The following PWWP3A variants were observed in gnomAD, a reference collection of about 807,000 sequenced individuals.
PWWP3A encodes PWWP domain containing 3A, DNA repair factor, also known as PWWP domain-containing DNA repair factor 3A.
Under a neutral mutation model 79.0 loss-of-function variants are expected in PWWP3A, and 53 were observed. The observed-to-expected ratio is 0.67, with a 90% CI of 0.54 to 0.84. PWWP3A has a LOEUF of 0.84. PWWP3A is among the 40% of genes least tolerant of loss of function. PWWP3A has a pLI of 0.00. For missense variants in PWWP3A, 973 were observed against 948.0 expected, an observed-to-expected ratio of 1.03 and a Z score of -0.35; for synonymous variants, 443 against 394.4, an observed-to-expected ratio of 1.12 and a Z score of -1.46.
At chr19:1,365,125 G>A (rs1379245186) in intron 7 of PWWP3A, among the ~76,000 whole-genome samples, 1 of 152,126 alleles carries the variant, frequency 6.6e-6, no homozygotes, top group Non-Finnish European at 1.5e-5. Context: ...GTCTCCGGGG[G>A]AAAGAAAAAG....
chr19:1,376,283 G>C (rs1301396428), intron 13 of PWWP3A, among the ~76,000 whole-genome samples: 1 of 135,246 alleles, frequency 7.4e-6, no homozygotes, highest in Non-Finnish European at 1.6e-5. Context: ...GCGCCACCAC[G>C]CCCGGCTGTT....
At chr19:1,372,809 T>G in intron 12 of PWWP3A, 1 of 393,334 alleles carries the variant, frequency 2.5e-6, no homozygotes. Context: ...AATGCTCTTG[T>G]GGGTTTGGGT....
intron 6 of PWWP3A, among the ~76,000 whole-genome samples, chr19:1,362,738 C>A (rs549691465): frequency 6.6e-6 from 1 of 152,228 alleles, no homozygotes; most frequent in East Asian, 1.9e-4. Context: ...TTGGTGATGG[C>A]GTTTGGGGGG....
rs1302211115 is a variant in PWWP3A at position 1,369,060 on chromosome 19, C to T, written c.1423-205C>T. On this transcript the variant is annotated intron_variant, in intron 9 of 13. Transcript: ENST00000591337. This position sits in a 1 kb window ranked among gnomAD's most constrained non-coding sequence, Gnocchi z 4.0. ...CCATTTGAGCAGCTCAGGGCCCAGA[C>T]CTGTGCCTGGTGCGTTTCCCATTTA... 1 of 563,790 alleles carries T rather than the reference C, an allele frequency of 1.8e-6. No individual in the cohort carries two copies. Among genetic ancestry groups the T allele is most frequent in the Non-Finnish European group, 3.2e-6 (1 of 311,894 alleles). 34.9% of individuals were successfully genotyped at this position (563,790 alleles called of 1,614,324 possible). A position where few individuals can be genotyped will look rare whatever the true frequency, so the allele number is the denominator to read the frequency against.
chr19:1,360,008 C>T lies in PWWP3A; in HGVS notation c.215-128C>T. 1 of 889,656 alleles carries T rather than the reference C, an allele frequency of 1.1e-6. No homozygotes were observed. Among genetic ancestry groups the T allele is most frequent in the Non-Finnish European group, 1.6e-6 (1 of 633,748 alleles). 55.1% of individuals were successfully genotyped at this position (889,656 alleles called of 1,614,324 possible). A position where few individuals can be genotyped will look rare whatever the true frequency, so the allele number is the denominator to read the frequency against. On this transcript the variant is annotated intron_variant, in intron 4 of 13. Coordinates refer to ENST00000591337, the MANE Select transcript of PWWP3A (RefSeq NM_001369789.1). The surrounding 1 kb of genome is among the most constrained non-coding windows in gnomAD (Gnocchi z 4.4). ...AAAATGTAGGTGAGAAATGTTAGTC[C>T]TCCCCTTCAGTGATTTAGGTATGAA... is the stretch of plus-strand genomic sequence containing the variant.
chr19:1,371,350 C>T (rs1378451338), intron 12 of PWWP3A: 9 of 704,326 alleles, frequency 1.3e-5, no homozygotes, highest in Non-Finnish European at 2.3e-5. Flanking sequence ...TGCGAACTCC[C>T]TCCCTACTGC....
intron 12 of PWWP3A, chr19:1,371,521 T>A (rs1320209349): frequency 1.6e-6 from 1 of 635,170 alleles, no homozygotes; most frequent in Non-Finnish European, 2.9e-6. Flanking sequence ...AAACCCGTGG[T>A]AAGTTAAACA....
chr19:1,374,888 C>G (rs879837233), intron 13 of PWWP3A, among the ~76,000 whole-genome samples: 5 of 151,988 alleles, frequency 3.3e-5, no homozygotes, highest in African/African-American at 9.7e-5. Context: ...GTCTGGGTGA[C>G]AGAGCAACAC....
intron 13 of PWWP3A, 63 bp downstream of exon 13, chr19:1,373,223 C>A: frequency 1.4e-6 from 2 of 1,450,700 alleles, no homozygotes; most frequent in Non-Finnish European, 1.9e-6. Flanking sequence ...TCTATTTCCA[C>A]ACCCACAGGC....
chr19:1,375,535 ATT>A (rs749764357), intron 13 of PWWP3A, among the ~76,000 whole-genome samples: 21,092 of 116,548 alleles, frequency 0.18, 2,209 homozygotes, highest in African/African-American at 0.29. Context: ...TAATTTATAT[ATT>A]TTATATATAA....
chr19:1,371,298 G>T, intron 12 of PWWP3A: 1 of 716,910 alleles, frequency 1.4e-6, no homozygotes, highest in Non-Finnish European at 2.5e-6. Flanking sequence ...CTTGACCCCT[G>T]TGCAGAGATG....
chr19:1,371,228 T>C (rs1422369345), intron 12 of PWWP3A, 150 bp downstream of exon 12: 1 of 878,724 alleles, frequency 1.1e-6, no homozygotes, highest in East Asian at 2.6e-5. Context: ...GTTTACATCC[T>C]GTCAGTGCTG....
Position 1,369,901 on chromosome 19 carries a change from C to T in PWWP3A, c.1549+255C>T, listed in dbSNP as rs190532311. The stretch of plus-strand genomic sequence containing the variant: ...TCCCATGGGCCACATCCAGCGTGTC[C>T]CTGCTGTGGCTGGTGGCTGCACACA... On this transcript the variant is annotated intron_variant, in intron 11 of 13. Transcript: ENST00000591337. The surrounding 1 kb of genome is among the most constrained non-coding windows in gnomAD (Gnocchi z 4.0). Among the ~76,000 whole-genome samples the T allele has an allele frequency of 3.1e-4, 47 of 152,278 alleles. No homozygotes were observed. The East Asian group carries it at 9.1e-3, about 29-fold the overall frequency.
intron 12 of PWWP3A, among the ~76,000 whole-genome samples, chr19:1,371,838 C>T (rs954415885): frequency 3.7e-5 from 5 of 136,796 alleles, no homozygotes; most frequent in South Asian, 2.3e-4. Context: ...GTTGGAGTCT[C>T]GCTCTGTCAC....
Position 1,370,742 on chromosome 19 carries a change from G to A in PWWP3A, c.1650G>A (p.Leu550=), listed in dbSNP as rs199763366. The A allele has an allele frequency of 8.9e-3, 13,280 of 1,491,866 alleles. 66 individuals carry two copies. The highest frequency in any genetic ancestry group is 0.011 in the Non-Finnish European group (12,152 of 1,116,696). 92.4% of individuals were successfully genotyped at this position (1,491,866 alleles called of 1,614,324 possible). ...SPEEPVVGCP[L]GQRQPCRKML... The stretch of plus-strand genomic sequence containing the variant: ...AGGAGCCCGTGGTGGGGTGCCCCCT[G>A]GGGCAGAGGCAGCCCTGCCGGAAAA... Residue 550 remains leucine (L), a synonymous_variant, in exon 12 of 14, where the codon CTG becomes CTA. Coordinates refer to ENST00000591337, the MANE Select transcript of PWWP3A (RefSeq NM_001369789.1).
chr19:1,356,134 C>G (rs1240343706), intron 1 of PWWP3A, among the ~76,000 whole-genome samples, 190 bp from the exon 2 acceptor site: 2 of 152,188 alleles, frequency 1.3e-5, no homozygotes, highest in South Asian at 4.1e-4. Flanking sequence ...GCAGGCGCCT[C>G]CCTGGATACC....
At chr19:1,361,110 G>A (rs574095195) in intron 5 of PWWP3A, 78 bp downstream of exon 5, 28 of 1,330,746 alleles carry the variant, frequency 2.1e-5, no homozygotes, top group East Asian at 5.9e-5. Context: ...AGCCAGGCAC[G>A]TGGGTGTTTT....
intron 13 of PWWP3A, among the ~76,000 whole-genome samples, chr19:1,375,221 C>CAAA (rs397793345): frequency 1.5e-5 from 2 of 130,684 alleles, no homozygotes; most frequent in Non-Finnish European, 3.2e-5. Flanking sequence ...GACTCCGTTT[C>CAAA]AAAAAAAAAA....
chr19:1,371,683 A>C (rs886259508), intron 12 of PWWP3A, among the ~76,000 whole-genome samples: 1 of 152,120 alleles, frequency 6.6e-6, no homozygotes, highest in African/African-American at 2.4e-5. Context: ...AACATACTCA[A>C]AACTATTTAA....
Sources: gnomAD v4.1 joint callset for allele counts (sites outside exome capture counted in the v4.1 genomes callset) on GRCh38, gnomAD v4.1.1 for gene constraint, Gnocchi (gnomAD v3.1) non-coding constraint, MANE v1.5 for transcripts, NCBI Gene and HGNC (gene_info 2026-07-23, HGNC 2026-07-21) for gene names.